DNM3: variants seen among roughly 807,000 people sequenced by gnomAD.
DNM3 encodes the protein dynamin 3.
Under a neutral mutation model 101.6 loss-of-function variants are expected in DNM3, and 47 were observed. The ratio of observed to expected loss-of-function variants is 0.46; its 90% CI spans 0.37 to 0.59. DNM3 has a LOEUF of 0.59. Ranked by LOEUF, DNM3 falls within the 20% of genes least tolerant of loss-of-function variation. DNM3 has a pLI of 0.00. For synonymous variants in DNM3, 385 were observed against 387.9 expected (o/e 0.99, Z 0.09); for missense variants, 849 against 1,085.7 (o/e 0.78, Z 3.06).
At chr1:172,146,268 T>C (rs906346523) in intron 14 of DNM3, among the ~76,000 whole-genome samples, 6 of 152,134 alleles carry the variant, frequency 3.9e-5, no homozygotes, top group African/African-American at 1.4e-4. Flanking sequence ...AGCATTTGCT[T>C]TTCATAAAAT....
intron 4 of DNM3, among the ~76,000 whole-genome samples, chr1:171,997,189 A>T (rs907128253): frequency 6.6e-6 from 1 of 152,188 alleles, no homozygotes; most frequent in Non-Finnish European, 1.5e-5. Context: ...GCAATCAGTT[A>T]TATTTCATAA....
chr1:171,921,870 C>A, intron 2 of DNM3, 49 bp downstream of exon 2: 1 of 1,518,910 alleles, frequency 6.6e-7, no homozygotes, highest in African/African-American at 1.4e-5. Context: ...CCTGTGGCCC[C>A]TTTTGCCTTC....
intron 20 of DNM3, among the ~76,000 whole-genome samples, chr1:172,389,995 A>G (rs1414118412): frequency 6.6e-6 from 1 of 152,336 alleles, no homozygotes; most frequent in Non-Finnish European, 1.5e-5. Context: ...GGAGAACTCA[A>G]TAAGGTTGTT....
In DNM3 at chr1:171,974,011, GT is replaced by G. The variant is rs540095701; in HGVS notation, c.236-13639del. ...TTTTGTTTTTTTTTTAATCACTAGT[GT>G]TTTTTACTTCAGAATACTGTAGGCA... On this transcript the variant is annotated intron_variant, in intron 2 of 20. Transcript: ENST00000627582. Among the ~76,000 whole-genome samples the G allele has an allele frequency of 2.2e-3, 327 of 151,984 alleles. 7 individuals are homozygous for G. The highest frequency in any genetic ancestry group is 2.2e-3 in the Non-Finnish European group (148 of 67,964).
Position 172,387,249 on chromosome 1 carries a change from G to GT in DNM3, c.2176dup (p.Tyr726LeufsTer29). Reference sequence around the variant, plus strand: ...AGCGCCGGGATGAGATGCTTCGAATGTATCAAGCACTGAAAGAAGCCCTTG... The same window carrying GT: ...AGCGCCGGGATGAGATGCTTCGAATGTTATCAAGCACTGAAAGAAGCCCTTG... On this transcript the variant is annotated frameshift_variant, in exon 19 of 21. Transcript: ENST00000627582. LOFTEE classifies it high-confidence loss of function. 1.2e-6 allele frequency: 2 copies of GT among 1,613,962 alleles called. No homozygotes were observed. The highest frequency in any genetic ancestry group is 1.7e-6 in the Non-Finnish European group (2 of 1,179,866).
At chr1:172,268,945 A>G (rs1043550464) in intron 15 of DNM3, among the ~76,000 whole-genome samples, 7 of 152,202 alleles carry the variant, frequency 4.6e-5, no homozygotes, top group African/African-American at 7.2e-5. Flanking sequence ...TGTGAAGTCT[A>G]GATTCATTTT....
At chr1:171,944,592 A>T (rs1410022342) in intron 2 of DNM3, among the ~76,000 whole-genome samples, 2 of 151,774 alleles carry the variant, frequency 1.3e-5, no homozygotes, top group Non-Finnish European at 2.9e-5. Flanking sequence ...ACAGGCTGGT[A>T]TCAAACTCCT....
chr1:172,204,193 G>C (rs2060250447), intron 14 of DNM3, among the ~76,000 whole-genome samples: 1 of 152,010 alleles, frequency 6.6e-6, no homozygotes, highest in Non-Finnish European at 1.5e-5. Context: ...AATTTATTTT[G>C]AAACTTAAAA....
intron 1 of DNM3, among the ~76,000 whole-genome samples, chr1:171,909,429 C>A (rs1304284159): frequency 7.2e-6 from 1 of 138,198 alleles, no homozygotes; most frequent in African/African-American, 2.8e-5. Flanking sequence ...CAGAGTGAGA[C>A]TCTGTCTTAA....
At position 172,348,403 on chromosome 1, in the gene DNM3, C is replaced by G. The variant is rs2067044207; in HGVS notation, c.1893+25063C>G. On this transcript the variant is annotated intron_variant, in intron 17 of 20. Transcript: ENST00000627582. ...AAAGAAAAAAAGATCCTAAAAGAAG[C>G]CAGAAAGCTAGGTCACCTACAAAGG... Among the ~76,000 whole-genome samples, 3 of 152,152 alleles carry G rather than the reference C, an allele frequency of 2.0e-5. No homozygotes were observed. The South Asian group carries it at 6.2e-4, about 32-fold the overall frequency.
chr1:172,075,594 G>C (rs991292550), intron 11 of DNM3, among the ~76,000 whole-genome samples: 16 of 151,640 alleles, frequency 1.1e-4, no homozygotes, highest in African/African-American at 3.9e-4. Flanking sequence ...GCTTTTTTTT[G>C]GTCAGATTTG....
intron 1 of DNM3, among the ~76,000 whole-genome samples, chr1:171,915,902 G>A (rs2039672958): frequency 6.6e-6 from 1 of 152,154 alleles, no homozygotes. Context: ...TGGTATTTCT[G>A]AGAGTCCATA....
Position 172,387,372 on chromosome 1 carries a change from C to G in DNM3, c.2285+13C>G. On this transcript the variant is annotated intron_variant, in intron 19 of 20. Transcript: ENST00000627582. ...AGCACTCTCGCAGGTAAGAAGATGGCCCCGGCCGGGTGCGGTGGCTCGCTC... is the reference window on the plus strand; with the variant it reads ...AGCACTCTCGCAGGTAAGAAGATGGGCCCGGCCGGGTGCGGTGGCTCGCTC... The G allele has an allele frequency of 6.2e-7, 1 of 1,605,036 alleles. No individual in the cohort carries two copies. Among genetic ancestry groups the G allele is most frequent in the Non-Finnish European group, 8.5e-7 (1 of 1,175,246 alleles).
At chr1:171,919,037 C>G (rs577883014) in intron 1 of DNM3, among the ~76,000 whole-genome samples, 2 of 152,256 alleles carry the variant, frequency 1.3e-5, no homozygotes, top group African/African-American at 4.8e-5. Context: ...TGTTAAATGG[C>G]ATTATTCAGG....
chr1:172,093,777 A>C, intron 13 of DNM3: 1 of 1,565,852 alleles, frequency 6.4e-7, no homozygotes, highest in Non-Finnish European at 8.6e-7. Context: ...TTAGCTTCCC[A>C]AGGGCACAGT....
At chr1:171,986,763 T>C (rs1268254405) in intron 2 of DNM3, among the ~76,000 whole-genome samples, 1 of 152,076 alleles carries the variant, frequency 6.6e-6, no homozygotes, top group East Asian at 1.9e-4. Context: ...TGCTTAGGCA[T>C]AGTCTAAGTT....
chr1:171,973,037 C>G (rs1297226074), intron 2 of DNM3, among the ~76,000 whole-genome samples: 1 of 149,396 alleles, frequency 6.7e-6, no homozygotes, highest in Non-Finnish European at 1.5e-5. Context: ...TTAAAGTAGT[C>G]ATAACCCCAG....
chr1:172,138,847 C>T (rs1558629346), intron 14 of DNM3: 4 of 475,794 alleles, frequency 8.4e-6, no homozygotes, highest in Non-Finnish European at 1.3e-5. Context: ...TACAGGTGAG[C>T]GGATGTTCTG....
At chr1:172,371,382 GTC>G (rs1356695749) in intron 17 of DNM3, among the ~76,000 whole-genome samples, 1 of 151,974 alleles carries the variant, frequency 6.6e-6, no homozygotes, top group African/African-American at 2.4e-5. Flanking sequence ...AAGAAGGAGA[GTC>G]TGTCTGCAAG....
Sources: gnomAD v4.1 joint callset for allele counts (sites outside exome capture counted in the v4.1 genomes callset) on GRCh38, gnomAD v4.1.1 for gene constraint, MANE v1.5 for transcripts, NCBI Gene and HGNC (gene_info 2026-07-23, HGNC 2026-07-21) for gene names.